Variants in TYMS observed in about 807,000 individuals in gnomAD.
TYMS encodes thymidylate synthetase, also known as thymidylate synthase.
A neutral mutation model predicts 39.3 loss-of-function variants in TYMS; 21 were observed. That is an observed-to-expected ratio of 0.54 (90% confidence interval 0.38 to 0.77). TYMS has a LOEUF of 0.77. Among genes scored for constraint, TYMS ranks in the 30% least tolerant of loss-of-function variants. TYMS has a pLI of 0.00. For synonymous variants in TYMS, 171 were observed against 162.2 expected, an observed-to-expected ratio of 1.05 and a Z score of -0.41; for missense variants, 273 against 406.7, an observed-to-expected ratio of 0.67 and a Z score of 2.83.
chr18:667,565 T>TGATGGA lies in TYMS; in HGVS notation c.455-1501_455-1496dup, dbSNP rs1356120076. 7.5e-4 allele frequency among the ~76,000 whole-genome samples: 45 copies of TGATGGA among 60,284 alleles called. 8 individuals are homozygous for TGATGGA. The highest frequency in any genetic ancestry group is 5.7e-3 in the African/African-American group (40 of 7,066). 39.5% of individuals were successfully genotyped at this position (60,284 alleles called of 152,430 possible). On this transcript the variant is annotated intron_variant, in intron 3 of 6. Transcript: ENST00000323274. ...GTGATGGTGATGGAGATGGTGATGG[T>TGATGGA]GATGGAGATGGTGATGGTGATGGTG...
Position 669,173 on chromosome 18 carries a change from G to A in TYMS, c.556G>A (p.Asp186Asn). ...CATCATGTGCGCTTGGAATCCAAGAGGTTGAAAGAACCCCGTCGTCTTCAT... is the reference window on the plus strand; with the variant it reads ...CATCATGTGCGCTTGGAATCCAAGAAGTTGAAAGAACCCCGTCGTCTTCAT... ...RIIMCAWNPR[D>N]LPLMALPPCH... The change falls in exon 4 of 7, where the codon GAT becomes AAT. Residue 186 changes from aspartate to asparagine, a missense_variant and splice_region_variant. Transcript: ENST00000323274. The A allele has an allele frequency of 6.2e-7, 1 of 1,613,882 alleles. No individual in the cohort carries two copies. Among genetic ancestry groups the A allele is most frequent in the South Asian group, 1.1e-5 (1 of 91,068 alleles).
chr18:670,576 T>G (rs917764419), intron 4 of TYMS, 116 bp from the exon 5 acceptor site: 7 of 1,125,456 alleles, frequency 6.2e-6, no homozygotes, highest in Admixed American at 2.2e-5. Context: ...CCAGTGGCTC[T>G]CTCTCCTGGT....
chr18:661,980 T>C (rs1025041391), intron 2 of TYMS, among the ~76,000 whole-genome samples, 166 bp from the exon 3 acceptor site: 11 of 151,514 alleles, frequency 7.3e-5, no homozygotes, highest in African/African-American at 2.4e-4. Flanking sequence ...AGCGAAACTC[T>C]CAAAAAACAA....
At chr18:662,078 C>CG (rs1467244421) in intron 2 of TYMS, 68 bp from the exon 3 acceptor site, 10 of 1,508,930 alleles carry the variant, frequency 6.6e-6, no homozygotes, top group East Asian at 4.6e-5. Context: ...AGTGGTGTCT[C>CG]GGGGGGATCA....
rs2075004770 is a variant in TYMS at position 670,724 on chromosome 18, G to A, written c.589G>A (p.Ala197Thr). Residue 197 changes from alanine to threonine, a missense_variant, in exon 5 of 7, where the codon GCC becomes ACC. Ala to Thr is a moderately conservative substitution (Grantham distance 58, BLOSUM62 0). This residue lies in a region of TYMS where 228 missense variants were observed against 326.1 expected (regional missense o/e 0.70). Coordinates refer to ENST00000323274, the MANE Select transcript of TYMS (RefSeq NM_001071.4). The stretch of plus-strand genomic sequence containing the variant: ...TCTGATGGCGCTGCCTCCATGCCAT[G>A]CCCTCTGCCAGTTCTATGTGGTGAA... ...LPLMALPPCH[A>T]LCQFYVVNSE... is the part of the protein sequence containing the mutation. The A allele has an allele frequency of 6.2e-7, 1 of 1,614,008 alleles. No individual in the cohort carries two copies. The highest frequency in any genetic ancestry group is 8.5e-7 in the Non-Finnish European group (1 of 1,180,020).
Position 658,183 on chromosome 18 carries a change from C to CA in TYMS, c.205+237dup. 1 of 1,556,340 alleles carries CA rather than the reference C, an allele frequency of 6.4e-7. No homozygotes were observed. Among genetic ancestry groups the CA allele is most frequent in the Non-Finnish European group, 8.7e-7 (1 of 1,150,202 alleles). On this transcript the variant is annotated intron_variant, in intron 1 of 6. Coordinates refer to ENST00000323274, the MANE Select transcript of TYMS (RefSeq NM_001071.4). This position sits in a 1 kb window ranked among gnomAD's most constrained non-coding sequence, Gnocchi z 4.5. ...GACAGCCGGGAGGTAAGCCGCGTCC[C>CA]AGCGGCTCCGCGGCCGGGCTCGCAG...
In TYMS at chr18:660,327, C is replaced by T. The variant is rs1384342990; in HGVS notation, c.279+613C>T. Among the ~76,000 whole-genome samples, 2 of 152,172 alleles carry T rather than the reference C, an allele frequency of 1.3e-5. No individual in the cohort carries two copies. Among genetic ancestry groups the T allele is most frequent in the Non-Finnish European group, 2.9e-5 (2 of 68,028 alleles). ...TCTCTACTCCACTCGGGCAAGCCTT[C>T]CTAGACCTCCTGATTTAAAACTGTG... On this transcript the variant is annotated intron_variant, in intron 2 of 6. Transcript: ENST00000323274. This position sits in a 1 kb window ranked among gnomAD's most constrained non-coding sequence, Gnocchi z 4.6.
Position 673,107 on chromosome 18 carries a change from T to C in TYMS, c.*110T>C. The C allele has an allele frequency of 1.7e-6, 2 of 1,202,456 alleles. No homozygotes were observed. Among genetic ancestry groups the C allele is most frequent in the South Asian group, 2.2e-5 (1 of 44,896 alleles). The allele number at this position is 1,202,456 out of a possible 1,614,324, so 74.5% of individuals were successfully genotyped here. A position where few individuals can be genotyped will look rare whatever the true frequency, so the allele number is the denominator to read the frequency against. On this transcript the variant is annotated 3_prime_UTR_variant, in exon 7 of 7. Coordinates refer to ENST00000323274, the MANE Select transcript of TYMS (RefSeq NM_001071.4). ...AGAAAAAGGAACTAGGTCAAAAATC[T>C]GTCCGTGACCTATCAGTTATTAATT...
At chr18:670,991 A>T (rs1449009399) in intron 5 of TYMS, 124 bp downstream of exon 5, 4 of 1,233,416 alleles carry the variant, frequency 3.2e-6, no homozygotes, top group Non-Finnish European at 4.5e-6. Flanking sequence ...ATGTGTAAGT[A>T]AGAAATGAAC....
chr18:660,024 T>A lies in TYMS; in HGVS notation c.279+310T>A, dbSNP rs1012801215. The stretch of plus-strand genomic sequence containing the variant: ...CGGAGGTTGTAGTGAGCTGAGATCG[T>A]GGCACTGTACTCCAGCCTGGGCGAC... On this transcript the variant is annotated intron_variant, in intron 2 of 6. Coordinates refer to ENST00000323274, the MANE Select transcript of TYMS (RefSeq NM_001071.4). This position sits in a 1 kb window ranked among gnomAD's most constrained non-coding sequence, Gnocchi z 4.6. 1.1e-4 allele frequency among the ~76,000 whole-genome samples: 16 copies of A among 152,160 alleles called. No homozygotes were observed. Among genetic ancestry groups the A allele is most frequent in the Non-Finnish European group, 2.9e-5 (2 of 68,030 alleles).
intron 4 of TYMS, 137 bp downstream of exon 4, chr18:669,310 G>C: frequency 1.6e-6 from 1 of 627,584 alleles, no homozygotes; most frequent in South Asian, 2.2e-5. Flanking sequence ...TGTGACGTTG[G>C]GCAAGTCACA....
rs865898175 is a variant in TYMS, at chr18:667,505, T to A, written c.455-1567T>A. On this transcript the variant is annotated intron_variant, in intron 3 of 6. Coordinates refer to ENST00000323274, the MANE Select transcript of TYMS (RefSeq NM_001071.4). ...GTGATGGTGATGGTGATGGAGATGG[T>A]GATGGTGATGGTGATGGTGATGGAG... Among the ~76,000 whole-genome samples the A allele has an allele frequency of 4.8e-3, 187 of 38,826 alleles. 9 individuals carry two copies. Among genetic ancestry groups the A allele is most frequent in the Middle Eastern group, 0.014 (1 of 70 alleles). The allele number at this position is 38,826 out of a possible 152,430, so 25.5% of individuals were successfully genotyped here.
rs1165353023 is a variant in TYMS at position 660,330 on chromosome 18, AG to A, written c.279+617del. On this transcript the variant is annotated intron_variant, in intron 2 of 6. Coordinates refer to ENST00000323274, the MANE Select transcript of TYMS (RefSeq NM_001071.4). This position sits in a 1 kb window ranked among gnomAD's most constrained non-coding sequence, Gnocchi z 4.6. ...CTACTCCACTCGGGCAAGCCTTCCT[AG>A]ACCTCCTGATTTAAAACTGTGACTC... 6.6e-6 allele frequency among the ~76,000 whole-genome samples: 1 copy of A among 152,060 alleles called. No individual in the cohort carries two copies.
Position 660,440 on chromosome 18 carries a change from G to A in TYMS, c.279+726G>A, listed in dbSNP as rs1005962806. On this transcript the variant is annotated intron_variant, in intron 2 of 6. Transcript: ENST00000323274. This position sits in a 1 kb window ranked among gnomAD's most constrained non-coding sequence, Gnocchi z 4.6. ...CCTTTCCCTTCCCCTGTTAGAAGGG[G>A]GACAGCAGGTAGTAAAAGTGAAATG... 2.7e-5 allele frequency among the ~76,000 whole-genome samples: 4 copies of A among 149,582 alleles called. No individual in the cohort carries two copies. The highest frequency in any genetic ancestry group is 9.7e-5 in the African/African-American group (4 of 41,076).
rs2074742953 is a variant in TYMS, at chr18:660,215, C to T, written c.279+501C>T. Among the ~76,000 whole-genome samples the T allele has an allele frequency of 6.6e-6, 1 of 152,196 alleles. No individual in the cohort carries two copies. Among genetic ancestry groups the T allele is most frequent in the South Asian group, 2.1e-4 (1 of 4,820 alleles). ...CTTAGCTGCTGCTCTCTGCACCAGC[C>T]CTGCTGTTCTTGTGAGTTTTTGAGC... On this transcript the variant is annotated intron_variant, in intron 2 of 6. Transcript: ENST00000323274. This position sits in a 1 kb window ranked among gnomAD's most constrained non-coding sequence, Gnocchi z 4.6.
chr18:667,239 AGATGGTGATGGTGATGGT>A (rs1264608229), intron 3 of TYMS, among the ~76,000 whole-genome samples: 1 of 13,448 alleles, frequency 7.4e-5, no homozygotes, highest in Non-Finnish European at 1.2e-4. Flanking sequence ...ATGGAGATGG[AGATGGTGATGGTGATGGT>A]GATGGAGATG....
chr18:660,981 T>C lies in TYMS; in HGVS notation c.280-1165T>C, dbSNP rs1025267420. On this transcript the variant is annotated intron_variant, in intron 2 of 6. Coordinates refer to ENST00000323274, the MANE Select transcript of TYMS (RefSeq NM_001071.4). The surrounding 1 kb of genome is among the most constrained non-coding windows in gnomAD (Gnocchi z 4.6). Reference sequence around the variant, plus strand: ...TATTCTTGGGGTATTTTGTTCTGTATTGGCCTATCTTGACTAACAATGAAC... The same window carrying C: ...TATTCTTGGGGTATTTTGTTCTGTACTGGCCTATCTTGACTAACAATGAAC... Among the ~76,000 whole-genome samples the C allele has an allele frequency of 9.2e-5, 14 of 152,182 alleles. No homozygotes were observed. Among genetic ancestry groups the C allele is most frequent in the African/African-American group, 3.1e-4 (13 of 41,448 alleles).
At position 658,486 on chromosome 18, in the gene TYMS, AC is replaced by A. The variant is rs2074718807; in HGVS notation, c.205+540del. 4 of 406,222 alleles carry A rather than the reference AC, an allele frequency of 9.8e-6. No individual in the cohort carries two copies. Among genetic ancestry groups the A allele is most frequent in the Non-Finnish European group, 1.7e-5 (4 of 232,986 alleles). The allele number at this position is 406,222 out of a possible 1,614,324, so 25.2% of individuals were successfully genotyped here. On this transcript the variant is annotated intron_variant, in intron 1 of 6. Transcript: ENST00000323274. The surrounding 1 kb of genome is among the most constrained non-coding windows in gnomAD (Gnocchi z 4.5). ...CCTGGTGGCCTCCCATCCAATCCCCACGAACCAGCTTTCCTCTTAAACCTTG... is the reference window on the plus strand; with the variant it reads ...CCTGGTGGCCTCCCATCCAATCCCCAGAACCAGCTTTCCTCTTAAACCTTG...
intron 2 of TYMS, among the ~76,000 whole-genome samples, chr18:661,200 A>G (rs552540036): frequency 1.3e-5 from 2 of 152,330 alleles, no homozygotes; most frequent in South Asian, 2.1e-4. Flanking sequence ...TTCTCAATCA[A>G]AGAAAATCGG....
Sources: gnomAD v4.1 joint callset for allele counts (sites outside exome capture counted in the v4.1 genomes callset) on GRCh38, gnomAD v4.1.1 for gene constraint, gnomAD v4.1.1 regional missense constraint, Gnocchi (gnomAD v3.1) non-coding constraint, MANE v1.5 for transcripts, NCBI Gene and HGNC (gene_info 2026-07-23, HGNC 2026-07-21) for gene names.